The following PTPRF variants were observed in gnomAD, a reference collection of about 807,000 sequenced individuals.
The protein encoded by PTPRF is receptor-type tyrosine-protein phosphatase F.
PTPRF carries 59 observed loss-of-function variants against 201.8 expected under a neutral mutation model. The observed-to-expected ratio is 0.29, with a 90% CI of 0.24 to 0.36. The LOEUF is 0.36. PTPRF is among the 10% of genes least tolerant of loss of function. The pLI is 1.00. For synonymous variants in PTPRF, 1,088 were observed against 1,089.7 expected (o/e 1.00, Z 0.03); for missense variants, 2,132 against 2,690.5 (o/e 0.79, Z 4.59).
Position 43,617,492 on chromosome 1 carries a change from G to A in PTPRF, c.4119G>A (p.Glu1373=), listed in dbSNP as rs1308762493. 4.3e-6 allele frequency: 7 copies of A among 1,614,002 alleles called. No individual in the cohort carries two copies. The highest frequency in any genetic ancestry group is 2.2e-5 in the East Asian group (1 of 44,882). ...QQFTWENSNL[E]VNKPKNRYAN... is the part of the protein sequence containing the mutation. ...TCACGTGGGAGAATTCAAACCTGGAGGTGAACAAGCCCAAGAACCGCTATG... is the reference window on the plus strand; with the variant it reads ...TCACGTGGGAGAATTCAAACCTGGAAGTGAACAAGCCCAAGAACCGCTATG... Residue 1373 remains glutamate, a synonymous_variant, in exon 24 of 34, where the codon GAG becomes GAA. Coordinates refer to ENST00000359947, the MANE Select transcript of PTPRF (RefSeq NM_002840.5).
At chr1:43,611,136 A>G (rs528473496) in intron 22 of PTPRF, among the ~76,000 whole-genome samples, 1 of 152,366 alleles carries the variant, frequency 6.6e-6, no homozygotes, top group East Asian at 1.9e-4. Context: ...GACACCCAAC[A>G]TGAGGCTTCT....
intron 8 of PTPRF, 120 bp downstream of exon 8, chr1:43,589,120 T>A: frequency 8.1e-7 from 1 of 1,231,452 alleles, no homozygotes; most frequent in Non-Finnish European, 1.1e-6. Context: ...TGCCCTTTCC[T>A]GGGTGTCCCT....
chr1:43,559,378 C>T (rs1215969358), intron 5 of PTPRF, among the ~76,000 whole-genome samples: 1 of 152,000 alleles, frequency 6.6e-6, no homozygotes, highest in East Asian at 1.9e-4. Context: ...TGGTGGTAAG[C>T]AGGTAGTGAG....
chr1:43,569,744 C>G lies in PTPRF; in HGVS notation c.534C>G (p.Ala178=). 1 of 1,613,170 alleles carries G rather than the reference C, an allele frequency of 6.2e-7. No individual in the cohort carries two copies. Among genetic ancestry groups the G allele is most frequent in the Non-Finnish European group, 8.5e-7 (1 of 1,179,396 alleles). Reference sequence around the variant, plus strand: ...AGGACTTCCTTCCTGTAGACCCTGCCACGAGCAACGGCCGCATCAAGCAGC... The same window carrying G: ...AGGACTTCCTTCCTGTAGACCCTGCGACGAGCAACGGCCGCATCAAGCAGC... ...WFKDFLPVDP[A]TSNGRIKQLR... The change falls in exon 6 of 34, where the codon GCC becomes GCG. Residue 178 remains alanine (A), a synonymous_variant. Transcript: ENST00000359947.
intron 8 of PTPRF, 63 bp from the exon 9 acceptor site, chr1:43,590,909 T>A (rs1283188951): frequency 1.4e-6 from 2 of 1,429,336 alleles, no homozygotes; most frequent in Non-Finnish European, 1.9e-6. Context: ...AATCCCCAAG[T>A]CTAGGGTTGG....
At chr1:43,534,593 G>T (rs1643891535) in intron 1 of PTPRF, among the ~76,000 whole-genome samples, 1 of 152,272 alleles carries the variant, frequency 6.6e-6, no homozygotes, top group Non-Finnish European at 1.5e-5. Flanking sequence ...TTAGGGACTT[G>T]GTGAGGAGGG....
chr1:43,595,223 T>G (rs2154018572), intron 11 of PTPRF, among the ~76,000 whole-genome samples: 1 of 152,244 alleles, frequency 6.6e-6, no homozygotes, highest in East Asian at 1.9e-4. Context: ...TTGTTTTTGT[T>G]TTTTTGAGAC....
intron 1 of PTPRF, among the ~76,000 whole-genome samples, chr1:43,533,059 CTCT>C (rs1171275676): frequency 6.6e-6 from 1 of 152,222 alleles, no homozygotes; most frequent in African/African-American, 2.4e-5. Flanking sequence ...CTTGCTCAGT[CTCT>C]TATTTGAAAT....
Position 43,617,561 on chromosome 1 carries a change from T to C in PTPRF, c.4188T>C (p.Ser1396=), listed in dbSNP as rs2154033049. ...ACCACTCTCGAGTCATCCTTACCTCTATCGATGGTGAGCCAAGGGGGTGCC... is the reference window on the plus strand; with the variant it reads ...ACCACTCTCGAGTCATCCTTACCTCCATCGATGGTGAGCCAAGGGGGTGCC... ...AYDHSRVILT[S]IDGVPGSDYI... Residue 1396 remains serine, a synonymous_variant, in exon 24 of 34, where the codon TCT becomes TCC. Coordinates refer to ENST00000359947, the MANE Select transcript of PTPRF (RefSeq NM_002840.5). 2 of 1,613,942 alleles carry C rather than the reference T, an allele frequency of 1.2e-6. No homozygotes were observed. The highest frequency in any genetic ancestry group is 1.6e-4 in the Middle Eastern group (1 of 6,062).
Position 43,598,884 on chromosome 1 carries a change from A to C in PTPRF, c.2284A>C (p.Ile762Leu), listed in dbSNP as rs770807749. Residue 762 changes from isoleucine to leucine, a missense_variant, in exon 13 of 34, where the codon ATC (isoleucine) becomes CTC (leucine). Around this residue, in one of 6 missense-constraint regions of PTPRF, gnomAD observed 818 missense variants for 915.3 expected, o/e 0.89. Transcript: ENST00000359947. The stretch of plus-strand genomic sequence containing the variant: ...TGGCGAGCCCCGTGGACTCCCCATC[A>C]TCCAAGACGTCATGCTAGCCGAGGC... ...ENGEPRGLPI[I>L]QDVMLAEAQW... The C allele has an allele frequency of 6.2e-7, 1 of 1,614,052 alleles. No homozygotes were observed.
rs757685553 is a variant in PTPRF at position 43,605,390 on chromosome 1, G to A, written c.3336G>A (p.Glu1112=). The A allele has an allele frequency of 1.2e-6, 2 of 1,613,862 alleles. No individual in the cohort carries two copies. The highest frequency in any genetic ancestry group is 2.2e-5 in the East Asian group (1 of 44,876). Residue 1112 remains glutamate (E), a synonymous_variant, in exon 18 of 34, where the codon GAG becomes GAA. Transcript: ENST00000359947. ...HKPLPASAYI[E]DGRFDLSMPH... is the part of the protein sequence containing the mutation. The stretch of plus-strand genomic sequence containing the variant: ...CGCTGCCTGCCTCTGCCTACATAGA[G>A]GACGGCCGCTTCGATCTCTCCATGC...
chr1:43,609,630 C>T, intron 22 of PTPRF, 132 bp downstream of exon 22: 2 of 658,178 alleles, frequency 3.0e-6, no homozygotes, highest in Non-Finnish European at 5.3e-6. Context: ...TTCTTCCTTT[C>T]TGCCCTTCTC....
At chr1:43,573,954 AAG>A (rs1553185065) in intron 6 of PTPRF, among the ~76,000 whole-genome samples, 1 of 145,688 alleles carries the variant, frequency 6.9e-6, no homozygotes, top group Non-Finnish European at 1.5e-5. Context: ...GAGAACCTCA[AAG>A]AGGGTTTGCT....
chr1:43,620,014 G>A, intron 29 of PTPRF, 81 bp from the exon 30 acceptor site: 1 of 1,593,022 alleles, frequency 6.3e-7, no homozygotes, highest in Non-Finnish European at 8.6e-7. Context: ...TCTGAGCAGG[G>A]CCCCAAGGGG....
intron 6 of PTPRF, among the ~76,000 whole-genome samples, chr1:43,571,036 T>C (rs1352006438): frequency 6.6e-6 from 1 of 152,154 alleles, no homozygotes; most frequent in Admixed American, 6.6e-5. Context: ...CATGGACTTG[T>C]CTGGCAGCAG....
At chr1:43,550,086 G>C (rs986664759) in intron 3 of PTPRF, among the ~76,000 whole-genome samples, 4 of 152,018 alleles carry the variant, frequency 2.6e-5, no homozygotes, top group Admixed American at 2.6e-4. Context: ...GGCGAGGCCT[G>C]GTTGAGGGGC....
chr1:43,524,835 G>A (rs1464618615), upstream of PTPRF, among the ~76,000 whole-genome samples: 17 of 152,222 alleles, frequency 1.1e-4, no homozygotes, highest in Admixed American at 1.1e-3. Context: ...CTGACAGCGA[G>A]GGGAAAATGG....
upstream of PTPRF, among the ~76,000 whole-genome samples, chr1:43,529,640 G>C (rs1464921708): frequency 6.6e-6 from 1 of 152,030 alleles, no homozygotes; most frequent in African/African-American, 2.4e-5. Flanking sequence ...GGGGGGAGGA[G>C]GGGTGGGGTA....
At chr1:43,560,813 T>A (rs1645754521) in intron 5 of PTPRF, among the ~76,000 whole-genome samples, 1 of 151,740 alleles carries the variant, frequency 6.6e-6, no homozygotes, top group Non-Finnish European at 1.5e-5. Flanking sequence ...CTGCAGGAGG[T>A]CTTGGGACCC....
Sources: gnomAD v4.1 joint callset for allele counts (sites outside exome capture counted in the v4.1 genomes callset) on GRCh38, gnomAD v4.1.1 for gene constraint, gnomAD v4.1.1 regional missense constraint, MANE v1.5 for transcripts, NCBI Gene and HGNC (gene_info 2026-07-23, HGNC 2026-07-21) for gene names.